Variants in ICA1L observed in about 807,000 individuals in gnomAD.
ICA1L encodes the protein islet cell autoantigen 1-like protein.
Under a neutral mutation model 61.3 loss-of-function variants are expected in ICA1L, and 50 were observed. The ratio of observed to expected loss-of-function variants is 0.82; its 90% CI spans 0.65 to 1.03. ICA1L has a LOEUF of 1.03. Among genes scored for constraint, ICA1L ranks in the 50% least tolerant of loss-of-function variants. The pLI is 0.00. For synonymous variants in ICA1L, 161 were observed against 191.3 expected, an observed-to-expected ratio of 0.84 and a Z score of 1.31; for missense variants, 508 against 556.7, an observed-to-expected ratio of 0.91 and a Z score of 0.88.
intron 7 of ICA1L, 89 bp downstream of exon 7, chr2:202,815,822 A>T: frequency 1.4e-6 from 1 of 731,596 alleles, no homozygotes; most frequent in Non-Finnish European, 2.1e-6. Flanking sequence ...ATTTTAAATT[A>T]ACCTTGGTTA....
chr2:202,827,144 A>G (rs766456386), intron 2 of ICA1L, among the ~76,000 whole-genome samples: 6 of 152,232 alleles, frequency 3.9e-5, no homozygotes, highest in African/African-American at 7.2e-5. Flanking sequence ...CTGTAATTCC[A>G]GCACTTTGGG....
intron 10 of ICA1L, among the ~76,000 whole-genome samples, chr2:202,791,273 T>C (rs1692740874): frequency 1.3e-5 from 2 of 152,162 alleles, no homozygotes; most frequent in South Asian, 4.1e-4. Context: ...GAAGCAAAAA[T>C]GATAACTTGG....
At chr2:202,794,788 G>A (rs1208785337) in intron 10 of ICA1L, among the ~76,000 whole-genome samples, 1 of 151,860 alleles carries the variant, frequency 6.6e-6, no homozygotes, top group Non-Finnish European at 1.5e-5. Context: ...AACGGGAAGT[G>A]TTCAAAACCT....
chr2:202,790,260 TGAAAG>T (rs1692706306), intron 10 of ICA1L, among the ~76,000 whole-genome samples: 1 of 152,110 alleles, frequency 6.6e-6, no homozygotes, highest in African/African-American at 2.4e-5. Flanking sequence ...TCAATAAAAA[TGAAAG>T]GGAGAGGCAT....
intron 1 of ICA1L, among the ~76,000 whole-genome samples, chr2:202,868,987 C>G (rs1431591285): frequency 3.3e-5 from 5 of 151,602 alleles, no homozygotes; most frequent in African/African-American, 1.2e-4. Flanking sequence ...ACAACAACAA[C>G]AACAACAACA....
At chr2:202,784,754 A>AG (rs561628012) in intron 12 of ICA1L, among the ~76,000 whole-genome samples, 25 of 152,326 alleles carry the variant, frequency 1.6e-4, no homozygotes, top group African/African-American at 3.6e-4. Context: ...CAGTTGTATG[A>AG]GGTATCTAAA....
intron 1 of ICA1L, among the ~76,000 whole-genome samples, chr2:202,864,419 T>G (rs1687412224): frequency 2.6e-5 from 4 of 152,030 alleles, no homozygotes; most frequent in Admixed American, 2.6e-4. Flanking sequence ...AATTTTTTTG[T>G]ATTTTTTAGT....
At chr2:202,806,668 G>C (rs971145305) in intron 9 of ICA1L, among the ~76,000 whole-genome samples, 2 of 151,340 alleles carry the variant, frequency 1.3e-5, no homozygotes, top group East Asian at 3.9e-4. Context: ...AAGAAGAAAA[G>C]GTAAAAAAAA....
chr2:202,860,629 G>A (rs1342434878), intron 1 of ICA1L, among the ~76,000 whole-genome samples: 1 of 152,034 alleles, frequency 6.6e-6, no homozygotes, highest in Non-Finnish European at 1.5e-5. Context: ...ACTCATGCCT[G>A]TAATTCCAGC....
At chr2:202,802,619 G>C (rs1262312738) in intron 9 of ICA1L, among the ~76,000 whole-genome samples, 1 of 151,734 alleles carries the variant, frequency 6.6e-6, no homozygotes, top group East Asian at 1.9e-4. Context: ...AATTGAATTA[G>C]AGCAAGACTC....
In ICA1L at chr2:202,774,756, A is replaced by C. The variant is rs1364632523; in HGVS notation, c.*4777T>G. 2 of 154,928 alleles carry C rather than the reference A, an allele frequency of 1.3e-5. No homozygotes were observed. The highest frequency in any genetic ancestry group is 4.8e-5 in the African/African-American group (2 of 41,562). 9.6% of individuals were successfully genotyped at this position (154,928 alleles called of 1,614,324 possible). On this transcript the variant is annotated 3_prime_UTR_variant, in exon 13 of 13. Coordinates refer to ENST00000358299, the MANE Select transcript of ICA1L (RefSeq NM_001288622.3). ...TAGGTCATGGGCAAGGTAGCAAGGG[A>C]AACTTGTGGCAGGGGCCACCCATAT...
At chr2:202,819,065 G>T (rs78131637) in intron 5 of ICA1L, among the ~76,000 whole-genome samples, 3,928 of 152,308 alleles carry the variant, frequency 0.026, 175 homozygotes, top group African/African-American at 0.088. Flanking sequence ...TAGGGCTGTT[G>T]TGTGTAATCA....
Position 202,789,093 on chromosome 2 carries a change from G to C in ICA1L, c.986-6C>G, listed in dbSNP as rs755419106. On this transcript the variant is annotated splice_region_variant and splice_polypyrimidine_tract_variant and intron_variant, in intron 10 of 12. Coordinates refer to ENST00000358299, the MANE Select transcript of ICA1L (RefSeq NM_001288622.3). ...TACAGGTAGATCTTTTGCAACTATT[G>C]AGTGTAAATAAAAACAGAAAGGCTT... The C allele has an allele frequency of 1.3e-6, 2 of 1,595,162 alleles. No homozygotes were observed. The highest frequency in any genetic ancestry group is 1.8e-5 in the Admixed American group (1 of 54,130).
In ICA1L at chr2:202,825,688, T is replaced by A; in HGVS notation, c.235+7A>T. On this transcript the variant is annotated splice_region_variant and intron_variant, in intron 3 of 12. Coordinates refer to ENST00000358299, the MANE Select transcript of ICA1L (RefSeq NM_001288622.3). ...GGATTATCAGATAGATAACTATGATTTCATACCATTGAGTCTTAGCTGGTA... is the reference window on the plus strand; with the variant it reads ...GGATTATCAGATAGATAACTATGATATCATACCATTGAGTCTTAGCTGGTA... The A allele has an allele frequency of 6.9e-7, 1 of 1,442,054 alleles. No homozygotes were observed. The highest frequency in any genetic ancestry group is 9.7e-7 in the Non-Finnish European group (1 of 1,032,080). 89.3% of individuals were successfully genotyped at this position (1,442,054 alleles called of 1,614,324 possible).
Position 202,840,118 on chromosome 2 carries a change from CA to C in ICA1L, c.-7-11103del, listed in dbSNP as rs71030994. On this transcript the variant is annotated intron_variant, in intron 1 of 12. Transcript: ENST00000358299. ...AGCTAGCTGAGGTTTTATTTTGGACCAAAAAAAAAAAAAAAGCGATTGAATT... is the reference window on the plus strand; with the variant it reads ...AGCTAGCTGAGGTTTTATTTTGGACCAAAAAAAAAAAAAAGCGATTGAATT... Among the ~76,000 whole-genome samples the C allele has an allele frequency of 8.9e-3, 776 of 87,142 alleles. 17 individuals are homozygous for C. The highest frequency in any genetic ancestry group is 0.053 in the Admixed American group (457 of 8,606). The allele number at this position is 87,142 out of a possible 152,430, so 57.2% of individuals were successfully genotyped here. A position where few individuals can be genotyped will look rare whatever the true frequency, so the allele number is the denominator to read the frequency against.
chr2:202,832,120 C>T (rs1021542340), intron 1 of ICA1L, among the ~76,000 whole-genome samples: 2 of 152,136 alleles, frequency 1.3e-5, no homozygotes, highest in South Asian at 4.1e-4. Context: ...CCAGAGGAGA[C>T]AGTTTGGAGT....
intron 1 of ICA1L, among the ~76,000 whole-genome samples, chr2:202,852,502 C>G (rs1694654399): frequency 6.6e-6 from 1 of 151,436 alleles, no homozygotes; most frequent in Admixed American, 6.6e-5. Flanking sequence ...AACCCTGTCT[C>G]TACTAAAAAC....
In ICA1L at chr2:202,814,741, T is replaced by A. The variant is rs184412942; in HGVS notation, c.827A>T (p.Asp276Val). ...AGTAAGAAAACCGCCTATTTGTTCATCTTTATTGTCTTCACTAATCTTGCT... is the reference window on the plus strand; with the variant it reads ...AGTAAGAAAACCGCCTATTTGTTCAACTTTATTGTCTTCACTAATCTTGCT... ...TPSKISEDNKDEQIGGFLTEQ... is the reference protein window; with the variant it reads ...TPSKISEDNKVEQIGGFLTEQ... Residue 276 changes from aspartate to valine, a missense_variant, in exon 8 of 13, where the codon GAT (aspartate) becomes GTT (valine). Asp to Val is a radical substitution (Grantham distance 152). Coordinates refer to ENST00000358299, the MANE Select transcript of ICA1L (RefSeq NM_001288622.3). 32 of 1,613,950 alleles carry A rather than the reference T, an allele frequency of 2.0e-5. No homozygotes were observed. The South Asian group carries it at 3.5e-4, about 18-fold the overall frequency.
chr2:202,805,241 C>CT (rs1693194260), intron 9 of ICA1L, among the ~76,000 whole-genome samples: 1 of 152,082 alleles, frequency 6.6e-6, no homozygotes, highest in South Asian at 2.1e-4. Flanking sequence ...AGAGAGCTTA[C>CT]TGAGGGGATG....
Sources: allele counts gnomAD v4.1 joint callset (sites outside exome capture counted in the v4.1 genomes callset), GRCh38; gene constraint gnomAD v4.1.1; transcripts MANE v1.5; gene names NCBI Gene and HGNC (gene_info 2026-07-23, HGNC 2026-07-21).